The following CIITA variants were observed in gnomAD, a reference collection of about 807,000 sequenced individuals.
CIITA encodes MHC class II transactivator.
CIITA carries 72 observed loss-of-function variants against 115.1 expected under a neutral mutation model. That is an observed-to-expected ratio of 0.63 (90% CI 0.52 to 0.76). CIITA has a LOEUF of 0.76. Among genes scored for constraint, CIITA ranks in the 30% least tolerant of loss-of-function variants. The pLI is 0.00. For missense variants in CIITA, 1,617 were observed against 1,463.8 expected, an observed-to-expected ratio of 1.10 and a Z score of -1.71; for synonymous variants, 763 against 635.6, an observed-to-expected ratio of 1.20 and a Z score of -3.02.
At chr16:10,875,526 C>T (rs948409160), upstream of CIITA, among the ~76,000 whole-genome samples, 6 of 152,106 alleles carry the variant, frequency 3.9e-5, no homozygotes, top group Non-Finnish European at 8.8e-5. Flanking sequence ...AGTGCTCTTT[C>T]AGCAAAAATG....
At chr16:10,894,485 A>T (rs2037922473) in intron 1 of CIITA, among the ~76,000 whole-genome samples, 1 of 152,230 alleles carries the variant, frequency 6.6e-6, no homozygotes, top group African/African-American at 2.4e-5. Flanking sequence ...TTATTAATAC[A>T]TAATATGATA....
At chr16:10,911,907 T>A (rs1300597796) in intron 13 of CIITA, among the ~76,000 whole-genome samples, 2 of 152,038 alleles carry the variant, frequency 1.3e-5, no homozygotes, top group Non-Finnish European at 2.9e-5. Flanking sequence ...CAGGCCACCC[T>A]CCTCTACAGG....
intron 5 of CIITA, among the ~76,000 whole-genome samples, chr16:10,899,705 A>C (rs2038514030): frequency 6.6e-6 from 1 of 152,226 alleles, no homozygotes; most frequent in South Asian, 2.1e-4. Context: ...GGGTCTGACC[A>C]TGTGTAAGTC....
At chr16:10,915,202 A>C (rs939667629) in intron 13 of CIITA, 67 of 377,608 alleles carry the variant, frequency 1.8e-4, no homozygotes, top group Non-Finnish European at 1.2e-4. Flanking sequence ...AGGACACACC[A>C]CCACACTTGG....
In CIITA at chr16:10,879,167, A is replaced by C. The variant is rs1281444763; in HGVS notation, c.52+1785A>C. Reference sequence around the variant, plus strand: ...GAGGATGGGGGGATGGAATATGCAAAATGTAGGGCCGGGAAACACCTCGTT... The same window carrying C: ...GAGGATGGGGGGATGGAATATGCAACATGTAGGGCCGGGAAACACCTCGTT... On this transcript the variant is annotated intron_variant, in intron 1 of 19. Coordinates refer to ENST00000324288, the MANE Select transcript of CIITA (RefSeq NM_000246.4). The surrounding 1 kb of genome is among the most constrained non-coding windows in gnomAD (Gnocchi z 4.3). 5.6e-6 allele frequency: 1 copy of C among 178,992 alleles called. No homozygotes were observed. The highest frequency in any genetic ancestry group is 2.4e-5 in the African/African-American group (1 of 42,256). 11.1% of individuals were successfully genotyped at this position (178,992 alleles called of 1,614,324 possible).
At chr16:10,881,421 C>T (rs1207412838) in intron 1 of CIITA, among the ~76,000 whole-genome samples, 1 of 152,202 alleles carries the variant, frequency 6.6e-6, no homozygotes, top group Non-Finnish European at 1.5e-5. Flanking sequence ...CACCGATTCT[C>T]ATAGGAAGGA....
chr16:10,885,035 G>A (rs1172640454), intron 1 of CIITA, among the ~76,000 whole-genome samples: 10 of 152,156 alleles, frequency 6.6e-5, no homozygotes, highest in Admixed American at 6.5e-4. Context: ...GGGCCATAAT[G>A]ATGTAAAATG....
At position 10,935,027 on chromosome 16, in the gene CIITA, T is replaced by G. The variant is rs2040970488; in HGVS notation, c.*11172T>G. The G allele has an allele frequency of 6.6e-6, 1 of 152,276 alleles. No homozygotes were observed. The highest frequency in any genetic ancestry group is 2.4e-5 in the African/African-American group (1 of 41,476). 9.4% of individuals were successfully genotyped at this position (152,276 alleles called of 1,614,324 possible). On this transcript the variant is annotated 3_prime_UTR_variant, in exon 20 of 20. Transcript: ENST00000324288. ...CATTGACACTGACCACGTCATTCAT[T>G]AAGCAAGCACCAACTATACATCATT...
chr16:10,921,404 A>G (rs979054498), intron 16 of CIITA, among the ~76,000 whole-genome samples: 1 of 152,156 alleles, frequency 6.6e-6, no homozygotes, highest in African/African-American at 2.4e-5. Flanking sequence ...TCCTGCCCCC[A>G]GTGCTGGTCA....
rs137906423 is a variant in CIITA at position 10,926,206 on chromosome 16, G to C, written c.*2351G>C. 6.6e-6 allele frequency: 1 copy of C among 152,360 alleles called. No individual in the cohort carries two copies. The highest frequency in any genetic ancestry group is 1.9e-4 in the East Asian group (1 of 5,178). 9.4% of individuals were successfully genotyped at this position (152,360 alleles called of 1,614,324 possible). A position where few individuals can be genotyped will look rare whatever the true frequency, so the allele number is the denominator to read the frequency against. ...AAGAGGGTCTGAGGAATCCAGACCC[G>C]GCTGCGTGGTTGATGATCTTTGCAG... On this transcript the variant is annotated 3_prime_UTR_variant, in exon 20 of 20. Coordinates refer to ENST00000324288, the MANE Select transcript of CIITA (RefSeq NM_000246.4).
At chr16:10,887,661 C>T (rs12325238) in intron 1 of CIITA, among the ~76,000 whole-genome samples, 2 of 151,784 alleles carry the variant, frequency 1.3e-5, no homozygotes, top group East Asian at 3.9e-4. Context: ...ACGCCCAGCT[C>T]ATTTTTGTAT....
rs1029267635 is a variant in CIITA at position 10,935,666 on chromosome 16, A to G, written c.*11811A>G. ...CCTTCACCAACTGATCAAAGTTAAC[A>G]TCGCCAGAAAGGGGACAGATGGCAT... On this transcript the variant is annotated 3_prime_UTR_variant, in exon 20 of 20. Coordinates refer to ENST00000324288, the MANE Select transcript of CIITA (RefSeq NM_000246.4). 1.3e-5 allele frequency: 2 copies of G among 152,260 alleles called. No homozygotes were observed. Among genetic ancestry groups the G allele is most frequent in the Admixed American group, 6.5e-5 (1 of 15,290 alleles). 9.4% of individuals were successfully genotyped at this position (152,260 alleles called of 1,614,324 possible). A position where few individuals can be genotyped will look rare whatever the true frequency, so the allele number is the denominator to read the frequency against.
chr16:10,902,123 G>T lies in CIITA; in HGVS notation c.567G>T (p.Ala189=). ...CCCTGCCCTGCCTGCCACTGCCTGC[G>T]CTGTTCAACCAGGAGCCAGCCTCCG... ...CSTLPCLPLP[A]LFNQEPASGQ... is the part of the protein sequence containing the mutation. Residue 189 remains alanine, a synonymous_variant, in exon 7 of 20, where the codon GCG becomes GCT. Transcript: ENST00000324288. The T allele has an allele frequency of 6.2e-7, 1 of 1,614,186 alleles. No homozygotes were observed.
At chr16:10,906,457 C>T (rs1229806799) in intron 10 of CIITA, 42 bp from the exon 11 acceptor site, 3 of 1,607,916 alleles carry the variant, frequency 1.9e-6, no homozygotes, top group East Asian at 2.2e-5. Context: ...CTGGCCCTGC[C>T]TCTCACATAC....
chr16:10,918,358 C>A, intron 15 of CIITA, 82 bp from the exon 16 acceptor site: 2 of 1,228,364 alleles, frequency 1.6e-6, no homozygotes, highest in Non-Finnish European at 2.4e-6. Flanking sequence ...CATTCACAGC[C>A]TATGACCCAG....
At chr16:10,893,835 G>C (rs767195780) in intron 1 of CIITA, among the ~76,000 whole-genome samples, 2 of 61,582 alleles carry the variant, frequency 3.2e-5, no homozygotes, top group African/African-American at 7.2e-5. Flanking sequence ...AAAAAAAAAA[G>C]TAGAGTTCAG....
intron 1 of CIITA, among the ~76,000 whole-genome samples, chr16:10,891,726 G>A (rs1246674221): frequency 6.6e-6 from 1 of 152,216 alleles, no homozygotes; most frequent in Non-Finnish European, 1.5e-5. Flanking sequence ...TTTTGTGCCT[G>A]TGTCCCTGAC....
At chr16:10,916,627 G>A (rs1320402698) in intron 15 of CIITA, 168 bp downstream of exon 15, 4 of 677,532 alleles carry the variant, frequency 5.9e-6, no homozygotes, top group Non-Finnish European at 1.1e-5. Context: ...CTGGCCTCAA[G>A]GAATCTCCTC....
intron 9 of CIITA, 56 bp from the exon 10 acceptor site, chr16:10,904,688 G>A (rs78446846): frequency 7.5e-6 from 12 of 1,602,042 alleles, no homozygotes; most frequent in Admixed American, 1.7e-5. Context: ...CAGAGGGAGG[G>A]GGGTCCCCAG....
Sources: allele counts gnomAD v4.1 joint callset (sites outside exome capture counted in the v4.1 genomes callset), GRCh38; gene constraint gnomAD v4.1.1; non-coding constraint Gnocchi (gnomAD v3.1); transcripts MANE v1.5; gene names NCBI Gene and HGNC (gene_info 2026-07-23, HGNC 2026-07-21).